ROR1: variants seen among roughly 807,000 people sequenced by gnomAD.
ROR1 encodes ROR family WNT receptor 1, also known as inactive tyrosine-protein kinase transmembrane receptor ROR1.
Under a neutral mutation model 78.8 loss-of-function variants are expected in ROR1, and 19 were observed. That is an observed-to-expected ratio of 0.24 (90% CI 0.17 to 0.35). The LOEUF (loss-of-function observed/expected upper bound fraction) is 0.35. ROR1 is among the 10% of genes least tolerant of loss of function. ROR1 has a pLI of 1.00. For synonymous variants in ROR1, 386 were observed against 433.6 expected (o/e 0.89, Z 1.36); for missense variants, 917 against 1,177.8 (o/e 0.78, Z 3.24).
intron 1 of ROR1, among the ~76,000 whole-genome samples, chr1:63,828,819 G>C (rs1418449540): frequency 6.6e-6 from 1 of 152,134 alleles, no homozygotes; most frequent in African/African-American, 2.4e-5. Context: ...TGTCCTTGCT[G>C]CTCCTCCTTG....
intron 4 of ROR1, among the ~76,000 whole-genome samples, chr1:64,082,597 C>G (rs1174324686): frequency 1.3e-5 from 2 of 152,214 alleles, no homozygotes; most frequent in African/African-American, 4.8e-5. Flanking sequence ...TCGGCCATAC[C>G]ATGCAAGCTG....
chr1:64,162,973 T>TA (rs1471689976), intron 8 of ROR1, among the ~76,000 whole-genome samples: 1 of 152,098 alleles, frequency 6.6e-6, no homozygotes, highest in Admixed American at 6.6e-5. Context: ...TGGTATGTGC[T>TA]ACTGTGGGAG....
rs559583954 is a variant in ROR1, at chr1:63,797,408, GAAGGCTGA to G, written c.91+22902_91+22909del. ...TGGTGCTCTGGAGTAGCATGTGTGG[GAAGGCTGA>G]ACGGAGAGTCATGAATTTTCCCGAG... On this transcript the variant is annotated intron_variant, in intron 1 of 8. Transcript: ENST00000371079. Among the ~76,000 whole-genome samples, 12 of 152,308 alleles carry G rather than the reference GAAGGCTGA, an allele frequency of 7.9e-5. No homozygotes were observed. In the East Asian group the frequency reaches 1.3e-3, roughly 17 times the overall value.
chr1:63,952,431 A>T (rs180817836), intron 1 of ROR1, among the ~76,000 whole-genome samples: 9 of 152,284 alleles, frequency 5.9e-5, no homozygotes, highest in Non-Finnish European at 1.3e-4. Flanking sequence ...AGGAGAGAGC[A>T]TGGGACATCA....
intron 7 of ROR1, 73 bp from the exon 8 acceptor site, chr1:64,158,908 A>C: frequency 8.7e-7 from 1 of 1,152,430 alleles, no homozygotes; most frequent in South Asian, 1.3e-5. Flanking sequence ...GTTCATTTTA[A>C]ACTATGCAAT....
intron 1 of ROR1, among the ~76,000 whole-genome samples, chr1:63,784,167 A>G (rs566465143): frequency 2.0e-5 from 3 of 152,272 alleles, no homozygotes; most frequent in East Asian, 1.9e-4. Context: ...TTTTATGTAC[A>G]GTATTACCTT....
At chr1:63,795,517 C>T (rs1029977341) in intron 1 of ROR1, among the ~76,000 whole-genome samples, 11 of 152,272 alleles carry the variant, frequency 7.2e-5, no homozygotes, top group Admixed American at 3.3e-4. Flanking sequence ...TATTGTGGAC[C>T]TGCCGTGTGC....
chr1:64,048,175 C>T (rs2100589261), intron 2 of ROR1, among the ~76,000 whole-genome samples: 1 of 152,276 alleles, frequency 6.6e-6, no homozygotes, highest in African/African-American at 2.4e-5. Context: ...CCATTAAATT[C>T]AACAAATTTG....
chr1:64,029,691 A>G (rs1430862676), intron 2 of ROR1, among the ~76,000 whole-genome samples: 3 of 152,118 alleles, frequency 2.0e-5, no homozygotes, highest in East Asian at 3.9e-4. Flanking sequence ...TTATGAGGCC[A>G]CCAATCTTAT....
intron 1 of ROR1, among the ~76,000 whole-genome samples, chr1:63,845,719 C>T (rs866403959): frequency 6.6e-6 from 1 of 152,156 alleles, no homozygotes; most frequent in African/African-American, 2.4e-5. Flanking sequence ...ATCTCTGATA[C>T]CTGCATGCAT....
intron 4 of ROR1, among the ~76,000 whole-genome samples, chr1:64,092,822 T>TA (rs1647212217): frequency 6.6e-6 from 1 of 152,216 alleles, no homozygotes; most frequent in African/African-American, 2.4e-5. Context: ...ATGCATTTCT[T>TA]ATCAAGAGAA....
intron 1 of ROR1, among the ~76,000 whole-genome samples, chr1:63,787,671 C>A (rs1016190737): frequency 6.6e-6 from 1 of 152,062 alleles, no homozygotes; most frequent in Admixed American, 6.6e-5. Context: ...GAATTACAGG[C>A]ACCTGCCACC....
intron 1 of ROR1, among the ~76,000 whole-genome samples, chr1:63,825,706 C>G (rs1644949084): frequency 2.0e-5 from 3 of 152,146 alleles, no homozygotes; most frequent in Non-Finnish European, 4.4e-5. Flanking sequence ...TCTTTGAAAG[C>G]TGAATTTTTA....
intron 1 of ROR1, among the ~76,000 whole-genome samples, chr1:63,968,177 C>T (rs556590316): frequency 3.3e-5 from 5 of 152,028 alleles, no homozygotes; most frequent in Admixed American, 1.3e-4. Context: ...TATGTTCTAG[C>T]GAAATAGCCT....
At chr1:63,818,318 C>G (rs1287727348) in intron 1 of ROR1, among the ~76,000 whole-genome samples, 1 of 152,160 alleles carries the variant, frequency 6.6e-6, no homozygotes, top group Non-Finnish European at 1.5e-5. Flanking sequence ...TTCGCAGAGG[C>G]CCTTCAGTGT....
intron 2 of ROR1, among the ~76,000 whole-genome samples, chr1:64,018,595 G>A (rs916136493): frequency 2.0e-5 from 3 of 151,948 alleles, no homozygotes; most frequent in African/African-American, 4.8e-5. Flanking sequence ...GAAGATCTTC[G>A]TCATTTCAAG....
chr1:64,077,561 T>C (rs891920501), intron 4 of ROR1, among the ~76,000 whole-genome samples: 2 of 152,222 alleles, frequency 1.3e-5, no homozygotes, highest in African/African-American at 2.4e-5. Context: ...GTTCCACCTT[T>C]AGCGTCTGGC....
intron 1 of ROR1, among the ~76,000 whole-genome samples, chr1:63,873,093 C>T (rs908758623): frequency 2.6e-5 from 4 of 152,006 alleles, no homozygotes; most frequent in Non-Finnish European, 4.4e-5. Context: ...CTCCTCCCCC[C>T]AAATCGAGGT....
intron 1 of ROR1, among the ~76,000 whole-genome samples, chr1:63,909,469 C>T (rs1645553063): frequency 6.6e-6 from 1 of 152,102 alleles, no homozygotes; most frequent in South Asian, 2.1e-4. Flanking sequence ...CCTCTCTCTA[C>T]CTGCATGTCC....
Sources: gnomAD v4.1 joint callset for allele counts (sites outside exome capture counted in the v4.1 genomes callset) on GRCh38, gnomAD v4.1.1 for gene constraint, MANE v1.5 for transcripts, NCBI Gene and HGNC (gene_info 2026-07-23, HGNC 2026-07-21) for gene names.